BCR: variants seen among roughly 807,000 people sequenced by gnomAD.
BCR encodes BCR activator of RhoGEF and GTPase, also known as breakpoint cluster region protein.
BCR carries 58 observed loss-of-function variants against 138.6 expected under a neutral mutation model. That is an observed-to-expected ratio of 0.42 (90% CI 0.34 to 0.52). The LOEUF (loss-of-function observed/expected upper bound fraction) is 0.52, where lower values mean the gene tolerates loss of function less well. Among genes scored for constraint, BCR ranks in the 20% least tolerant of loss-of-function variants. BCR has a pLI of 0.06. For missense variants in BCR, 1,599 were observed against 1,727.2 expected, an observed-to-expected ratio of 0.93 and a Z score of 1.32; for synonymous variants, 786 against 730.1, an observed-to-expected ratio of 1.08 and a Z score of -1.23.
At chr22:23,307,156 C>T (rs2073960277) in intron 16 of BCR, among the ~76,000 whole-genome samples, 2 of 152,214 alleles carry the variant, frequency 1.3e-5, no homozygotes, top group East Asian at 1.9e-4. Flanking sequence ...AGTGCAATGG[C>T]ATGATCATGG....
Position 23,285,170 on chromosome 22 carries a change from C to G in BCR, c.2375C>G (p.Ser792Cys). Residue 792 changes from serine to cysteine, a missense_variant, in exon 10 of 23, where the codon TCC becomes TGC. Around this residue, in one of 4 missense-constraint regions of BCR, gnomAD observed 590 missense variants for 762.4 expected, o/e 0.77. Transcript: ENST00000305877. ...CTGGACGCTTTGAAGATCAAGATCTCCCAGATCAAGAATGACATCCAGAGA... is the reference window on the plus strand; with the variant it reads ...CTGGACGCTTTGAAGATCAAGATCTGCCAGATCAAGAATGACATCCAGAGA... The part of the protein sequence containing the change: ...EELDALKIKI[S>C]QIKNDIQREK... The G allele has an allele frequency of 6.2e-7, 1 of 1,613,514 alleles. No homozygotes were observed. The highest frequency in any genetic ancestry group is 8.5e-7 in the Non-Finnish European group (1 of 1,179,814).
rs77331881 is a variant in BCR, at chr22:23,296,996, G to A, written c.3012+1841G>A. 1.8e-3 allele frequency among the ~76,000 whole-genome samples: 279 copies of A among 152,184 alleles called. 3 individuals are homozygous for A. Among genetic ancestry groups the A allele is most frequent in the African/African-American group, 6.4e-3 (265 of 41,522 alleles). ...CGGTCATAGTTTGGGTGATGGTCAC[G>A]GCTCAGGTTCTTTTTTACACGTGCT... On this transcript the variant is annotated intron_variant, in intron 16 of 22. Transcript: ENST00000305877.
At chr22:23,268,300 G>C in intron 4 of BCR, 108 bp from the exon 5 acceptor site, 3 of 859,984 alleles carry the variant, frequency 3.5e-6, no homozygotes, top group Non-Finnish European at 5.3e-6. Context: ...CCTGTGTGCC[G>C]TCTGCTGTCC....
intron 16 of BCR, among the ~76,000 whole-genome samples, chr22:23,304,756 G>GGT (rs2146322224): frequency 6.6e-6 from 1 of 152,282 alleles, no homozygotes; most frequent in Admixed American, 6.5e-5. Flanking sequence ...AAGGGAGAAG[G>GGT]GTGTGTTCCT....
chr22:23,285,239 TCAGAGTGGCAG>T, intron 10 of BCR, 38 bp downstream of exon 10: 1 of 1,581,318 alleles, frequency 6.3e-7, no homozygotes, highest in South Asian at 1.1e-5. Flanking sequence ...TTTGGTGTGG[TCAGAGTGGCAG>T]CAGCCCCCGC....
intron 1 of BCR, among the ~76,000 whole-genome samples, chr22:23,220,250 A>G (rs1392607437): frequency 6.6e-6 from 1 of 152,202 alleles, no homozygotes; most frequent in East Asian, 1.9e-4. Context: ...GGAAGGTTAC[A>G]CTGAAGTTTC....
At chr22:23,231,264 T>C (rs1301284543) in intron 1 of BCR, among the ~76,000 whole-genome samples, 1 of 152,032 alleles carries the variant, frequency 6.6e-6, no homozygotes, top group African/African-American at 2.4e-5. Context: ...TCCCAGTGTT[T>C]TGAGAGGCCA....
chr22:23,211,283 C>T (rs1226294473), intron 1 of BCR, among the ~76,000 whole-genome samples: 9 of 151,928 alleles, frequency 5.9e-5, no homozygotes, highest in African/African-American at 1.5e-4. Flanking sequence ...CTGCAAGCTC[C>T]GCCTCCCGGG....
intron 8 of BCR, among the ~76,000 whole-genome samples, chr22:23,274,776 T>C (rs1294197684): frequency 1.3e-5 from 2 of 151,608 alleles, no homozygotes; most frequent in Non-Finnish European, 2.9e-5. Flanking sequence ...GGCACGGTGG[T>C]GGGTGCCTGT....
At chr22:23,282,821 G>A (rs2073664159) in intron 8 of BCR, among the ~76,000 whole-genome samples, 1 of 152,216 alleles carries the variant, frequency 6.6e-6, no homozygotes, top group Non-Finnish European at 1.5e-5. Context: ...TCCTCCCTGT[G>A]AGCCTTCCCT....
intron 20 of BCR, among the ~76,000 whole-genome samples, chr22:23,313,462 C>T (rs973403262): frequency 6.6e-6 from 1 of 152,216 alleles, no homozygotes; most frequent in African/African-American, 2.4e-5. Flanking sequence ...CTGCATCACC[C>T]TTAGGGCAGG....
chr22:23,263,217 C>A (rs976023921), intron 4 of BCR: 2 of 963,890 alleles, frequency 2.1e-6, no homozygotes, highest in African/African-American at 3.3e-5. Flanking sequence ...AGCGCTCTGG[C>A]GCCTGCCGGA....
At chr22:23,202,439 CT>C (rs1193721389) in intron 1 of BCR, among the ~76,000 whole-genome samples, 1 of 152,168 alleles carries the variant, frequency 6.6e-6, no homozygotes, top group East Asian at 1.9e-4. Context: ...GCACCCATCA[CT>C]ATCATCCATC....
chr22:23,198,323 G>A (rs74890117), intron 1 of BCR: 5,306 of 437,914 alleles, frequency 0.012, 274 homozygotes, highest in African/African-American at 0.1. Context: ...TCCGTGTGCC[G>A]AGGAGGGGAC....
intron 1 of BCR, among the ~76,000 whole-genome samples, chr22:23,223,874 G>A (rs960315047): frequency 2.0e-5 from 3 of 152,052 alleles, no homozygotes; most frequent in Admixed American, 6.5e-5. Flanking sequence ...TCCTTTCCCC[G>A]CTAAATGATT....
intron 1 of BCR, among the ~76,000 whole-genome samples, chr22:23,202,344 C>G (rs1355357335): frequency 6.6e-6 from 1 of 152,092 alleles, no homozygotes; most frequent in African/African-American, 2.4e-5. Context: ...ATTTTAACCA[C>G]TAAAAATTAA....
chr22:23,257,693 G>C (rs773945234), intron 2 of BCR, among the ~76,000 whole-genome samples: 1 of 152,294 alleles, frequency 6.6e-6, no homozygotes, highest in East Asian at 1.9e-4. Flanking sequence ...GCAGAGAGGG[G>C]GTGTCATAGG....
At chr22:23,188,891 G>A (rs1361197895) in intron 1 of BCR, among the ~76,000 whole-genome samples, 1 of 151,886 alleles carries the variant, frequency 6.6e-6, no homozygotes, top group African/African-American at 2.4e-5. Flanking sequence ...TTTCAAGACG[G>A]GGTCTCACTC....
chr22:23,231,034 C>T (rs1045582162), intron 1 of BCR, among the ~76,000 whole-genome samples: 3 of 152,210 alleles, frequency 2.0e-5, no homozygotes, highest in Non-Finnish European at 4.4e-5. Flanking sequence ...ATTTCCCCCT[C>T]CATCAAATGA....
Sources: gnomAD v4.1 joint callset for allele counts (sites outside exome capture counted in the v4.1 genomes callset) on GRCh38, gnomAD v4.1.1 for gene constraint, gnomAD v4.1.1 regional missense constraint, MANE v1.5 for transcripts, NCBI Gene and HGNC (gene_info 2026-07-23, HGNC 2026-07-21) for gene names.